Variants in ANKH observed in about 807,000 individuals in gnomAD.
ANKH encodes the protein mineralization regulator ANKH.
In ANKH, 15 loss-of-function variants were observed where a neutral mutation model predicts 49.0. The observed-to-expected ratio is 0.31, with a 90% CI of 0.20 to 0.47. ANKH has a LOEUF of 0.47. Ranked by LOEUF, ANKH falls within the 20% of genes least tolerant of loss-of-function variation. The pLI, the probability that ANKH is intolerant of heterozygous loss-of-function variation, is 1.00. For missense variants in ANKH, 429 were observed against 652.0 expected (o/e 0.66, Z 3.72); for synonymous variants, 273 against 260.0 (o/e 1.05, Z -0.48).
At chr5:14,742,752 A>C (rs1205126239) in intron 7 of ANKH, among the ~76,000 whole-genome samples, 1 of 152,202 alleles carries the variant, frequency 6.6e-6, no homozygotes, top group African/African-American at 2.4e-5. Flanking sequence ...AGATGCCCCA[A>C]GAACACCTGC....
rs573314148 is a variant in ANKH, at chr5:14,726,103, G to A, written c.1012-9268C>T. On this transcript the variant is annotated intron_variant, in intron 8 of 11. Transcript: ENST00000284268. ...TGTCAGCTTGGTTTTCACAGCCAGC[G>A]TCTTGGGAAACCATGTCCCACATCA... Among the ~76,000 whole-genome samples the A allele has an allele frequency of 1.8e-4, 27 of 152,262 alleles. No individual in the cohort carries two copies. In the East Asian group the frequency reaches 4.8e-3, roughly 27 times the overall value.
rs952620663 is a variant in ANKH at position 14,734,795 on chromosome 5, C to A, written c.1011+7032G>T. 8.2e-4 allele frequency among the ~76,000 whole-genome samples: 125 copies of A among 152,288 alleles called. 1 individual carries two copies. The highest frequency in any genetic ancestry group is 2.9e-3 in the African/African-American group (120 of 41,544). ...GAACACGGGTGTGTATTGATACGTT[C>A]AACTGAAAAATGAGTAATTTTTATA... On this transcript the variant is annotated intron_variant, in intron 8 of 11. Coordinates refer to ENST00000284268, the MANE Select transcript of ANKH (RefSeq NM_054027.6).
intron 1 of ANKH, among the ~76,000 whole-genome samples, chr5:14,799,741 A>G (rs1322459623): frequency 6.6e-6 from 1 of 152,200 alleles, no homozygotes; most frequent in East Asian, 1.9e-4. Flanking sequence ...GCTCATTGAC[A>G]ATGCACCTGG....
chr5:14,789,956 C>T (rs746160306), intron 1 of ANKH, among the ~76,000 whole-genome samples: 28 of 152,152 alleles, frequency 1.8e-4, no homozygotes, highest in Non-Finnish European at 3.4e-4. Flanking sequence ...GCGATCTACC[C>T]GCCTCGGCCT....
chr5:14,859,371 G>C lies in ANKH; in HGVS notation c.96+11981C>G, dbSNP rs189225704. 7.2e-5 allele frequency among the ~76,000 whole-genome samples: 11 copies of C among 152,248 alleles called. No homozygotes were observed. In the East Asian group the frequency reaches 2.1e-3, roughly 29 times the overall value. ...AATTCCTTTTTAAGGCTGTATAATA[G>C]TCCATTGCCTGTATATGCCCCATTT... On this transcript the variant is annotated intron_variant, in intron 1 of 11. Coordinates refer to ENST00000284268, the MANE Select transcript of ANKH (RefSeq NM_054027.6).
chr5:14,843,157 C>T (rs895278462), intron 1 of ANKH, among the ~76,000 whole-genome samples: 5 of 150,888 alleles, frequency 3.3e-5, no homozygotes, highest in African/African-American at 1.2e-4. Flanking sequence ...GAGACCTTTG[C>T]AGAGCCACCA....
At position 14,770,152 on chromosome 5, in the gene ANKH, T is replaced by C. The variant is rs997463140; in HGVS notation, c.97-961A>G. 6.6e-6 allele frequency among the ~76,000 whole-genome samples: 1 copy of C among 152,222 alleles called. No homozygotes were observed. Among genetic ancestry groups the C allele is most frequent in the South Asian group, 2.1e-4 (1 of 4,828 alleles). On this transcript the variant is annotated intron_variant, in intron 1 of 11. Coordinates refer to ENST00000284268, the MANE Select transcript of ANKH (RefSeq NM_054027.6). This position sits in a 1 kb window ranked among gnomAD's most constrained non-coding sequence, Gnocchi z 4.1. ...AGTTATATATTTTTAGAAAATAGAC[T>C]GTTTTTAAGGCAGTTTTAGGTTCAC...
chr5:14,865,252 C>G (rs1200125986), intron 1 of ANKH, among the ~76,000 whole-genome samples: 1 of 151,958 alleles, frequency 6.6e-6, no homozygotes, highest in Non-Finnish European at 1.5e-5. Context: ...AAGAACAAAA[C>G]TCCGTCTCAA....
intron 1 of ANKH, chr5:14,797,364 T>G: frequency 1.2e-6 from 2 of 1,610,464 alleles, no homozygotes; most frequent in Non-Finnish European, 8.5e-7. Flanking sequence ...TTTACTTAAA[T>G]CCTAGACATT....
intron 1 of ANKH, among the ~76,000 whole-genome samples, chr5:14,823,815 T>C (rs1376345505): frequency 6.6e-6 from 1 of 152,136 alleles, no homozygotes; most frequent in African/African-American, 2.4e-5. Flanking sequence ...TAATCTCAGC[T>C]GCTTGGAAGG....
chr5:14,758,445 A>G, intron 3 of ANKH, 35 bp downstream of exon 3: 1 of 1,524,366 alleles, frequency 6.6e-7, no homozygotes, highest in Middle Eastern at 1.7e-4. Flanking sequence ...CCAGTTAAAG[A>G]AAAAGAAAGA....
intron 1 of ANKH, among the ~76,000 whole-genome samples, chr5:14,815,477 T>C (rs776311359): frequency 1.1e-4 from 17 of 152,354 alleles, no homozygotes; most frequent in Non-Finnish European, 2.1e-4. Context: ...ATTTTTGCTA[T>C]TTTACCACTT....
Position 14,751,169 on chromosome 5 carries a change from G to A in ANKH, c.587C>T (p.Ser196Phe). ...CREPLLIPIL[S>F]LYMGALVRCT... is the part of the protein sequence containing the mutation. ...GCGCACAAGTGCGCCCATGTACAAGGAGAGGATCGGGATGAGCAGGGGCTC... is the reference window on the plus strand; with the variant it reads ...GCGCACAAGTGCGCCCATGTACAAGAAGAGGATCGGGATGAGCAGGGGCTC... The change falls in exon 5 of 12, where the codon TCC becomes TTC. Residue 196 changes from serine to phenylalanine, a missense_variant. Transcript: ENST00000284268. 1 of 1,614,256 alleles carries A rather than the reference G, an allele frequency of 6.2e-7. No individual in the cohort carries two copies. The highest frequency in any genetic ancestry group is 8.5e-7 in the Non-Finnish European group (1 of 1,180,048).
intron 8 of ANKH, among the ~76,000 whole-genome samples, chr5:14,722,285 C>T (rs551072694): frequency 6.6e-6 from 1 of 152,316 alleles, no homozygotes; most frequent in African/African-American, 2.4e-5. Flanking sequence ...GAACAAGAGT[C>T]GTTCCTCTGA....
chr5:14,834,784 A>C (rs1741607317), intron 1 of ANKH, among the ~76,000 whole-genome samples: 1 of 152,228 alleles, frequency 6.6e-6, no homozygotes, highest in Non-Finnish European at 1.5e-5. Context: ...GTGTCTCAAA[A>C]TAAATAAATA....
At chr5:14,733,443 G>A (rs79359992) in intron 8 of ANKH, among the ~76,000 whole-genome samples, 6,016 of 152,270 alleles carry the variant, frequency 0.04, 377 homozygotes, top group African/African-American at 0.14. Flanking sequence ...ACTGCCCGTA[G>A]GTGCAGGAGA....
chr5:14,824,313 G>A (rs893406595), intron 1 of ANKH, among the ~76,000 whole-genome samples: 4 of 151,998 alleles, frequency 2.6e-5, no homozygotes, highest in Admixed American at 6.5e-5. Flanking sequence ...ATGTATTCTC[G>A]TTTGAAAATA....
chr5:14,851,652 TC>T (rs1393530869), intron 1 of ANKH, among the ~76,000 whole-genome samples: 1 of 152,214 alleles, frequency 6.6e-6, no homozygotes, highest in African/African-American at 2.4e-5. Flanking sequence ...TTCCACTCCC[TC>T]AATCTAAAGC....
At chr5:14,853,073 A>C (rs1456491146) in intron 1 of ANKH, among the ~76,000 whole-genome samples, 2 of 152,188 alleles carry the variant, frequency 1.3e-5, no homozygotes, top group Non-Finnish European at 2.9e-5. Context: ...AGGATGTTTT[A>C]GTTTAAAACT....
Sources: allele counts gnomAD v4.1 joint callset (sites outside exome capture counted in the v4.1 genomes callset), GRCh38; gene constraint gnomAD v4.1.1; non-coding constraint Gnocchi (gnomAD v3.1); transcripts MANE v1.5; gene names NCBI Gene and HGNC (gene_info 2026-07-23, HGNC 2026-07-21).